SNX33: variants seen among roughly 807,000 people sequenced by gnomAD.
SNX33 encodes the protein sorting nexin 33.
In SNX33, 19 loss-of-function variants were observed where a neutral mutation model predicts 38.8. That is an observed-to-expected ratio of 0.49 (90% CI 0.34 to 0.72). The LOEUF is 0.72. Among genes scored for constraint, SNX33 ranks in the 30% least tolerant of loss-of-function variants. SNX33 has a pLI of 0.01. For synonymous variants in SNX33, 246 were observed against 289.7 expected (o/e 0.85, Z 1.53); for missense variants, 641 against 776.4 (o/e 0.83, Z 2.07).
At chr15:75,655,584 T>C (rs1439967662) in intron 1 of SNX33, among the ~76,000 whole-genome samples, 1 of 152,184 alleles carries the variant, frequency 6.6e-6, no homozygotes, top group Non-Finnish European at 1.5e-5. Context: ...TGTTGCCCCT[T>C]CTAAAGGCAT....
rs1893679611 is a variant in SNX33 at position 75,658,248 on chromosome 15, C to T, written c.*1033C>T. On this transcript the variant is annotated 3_prime_UTR_variant, in exon 2 of 2. Transcript: ENST00000308527. This position sits in a 1 kb window ranked among gnomAD's most constrained non-coding sequence, Gnocchi z 4.1. ...TAACTCCCCACACTCGAAGCAGGTC[C>T]AAACCCAGGATCTCAGGGTCCTTGG... The T allele has an allele frequency of 2.0e-5, 3 of 152,636 alleles. No individual in the cohort carries two copies. 9.5% of individuals were successfully genotyped at this position (152,636 alleles called of 1,614,324 possible).
At position 75,658,628 on chromosome 15, in the gene SNX33, G is replaced by T. The variant is rs1434232693; in HGVS notation, c.*1413G>T. On this transcript the variant is annotated 3_prime_UTR_variant, in exon 2 of 2. Coordinates refer to ENST00000308527, the MANE Select transcript of SNX33 (RefSeq NM_153271.2). This position sits in a 1 kb window ranked among gnomAD's most constrained non-coding sequence, Gnocchi z 4.1. ...TTCTTGATAAACCTTTTACAATTAA[G>T]ATAACACAAGCATGACTTTTTCTGT... 5 of 152,646 alleles carry T rather than the reference G, an allele frequency of 3.3e-5. No homozygotes were observed. Among genetic ancestry groups the T allele is most frequent in the African/African-American group, 1.2e-4 (5 of 41,442 alleles). 9.5% of individuals were successfully genotyped at this position (152,646 alleles called of 1,614,324 possible).
chr15:75,651,194 A>C (rs149698306), intron 1 of SNX33, among the ~76,000 whole-genome samples: 61 of 151,864 alleles, frequency 4.0e-4, no homozygotes, highest in African/African-American at 1.5e-3. Context: ...TTGCAAGTTA[A>C]CCTCCCCACC....
At position 75,649,004 on chromosome 15, in the gene SNX33, G is replaced by A. The variant is rs1260101539; in HGVS notation, c.-99G>A. On this transcript the variant is annotated 5_prime_UTR_variant, in exon 1 of 2. Coordinates refer to ENST00000308527, the MANE Select transcript of SNX33 (RefSeq NM_153271.2). This position sits in a 1 kb window ranked among gnomAD's most constrained non-coding sequence, Gnocchi z 6.6. The stretch of plus-strand genomic sequence containing the variant: ...ACCTGAGAGATTGAACTGTGTAAGC[G>A]CCATTCAGCTGCGAGTGCATTCTTG... 1.9e-5 allele frequency: 27 copies of A among 1,431,014 alleles called. No individual in the cohort carries two copies. The highest frequency in any genetic ancestry group is 2.1e-5 in the Non-Finnish European group (22 of 1,062,874). The allele number at this position is 1,431,014 out of a possible 1,614,324, so 88.6% of individuals were successfully genotyped here. A position where few individuals can be genotyped will look rare whatever the true frequency, so the allele number is the denominator to read the frequency against.
intron 1 of SNX33, among the ~76,000 whole-genome samples, chr15:75,656,635 C>T (rs1893654989): frequency 6.6e-6 from 1 of 152,132 alleles, no homozygotes; most frequent in Admixed American, 6.5e-5. Flanking sequence ...AGGCCTTGTT[C>T]TGGGTACCAG....
rs199967682 is a variant in SNX33 at position 75,652,002 on chromosome 15, TTC to T, written c.1471+1431_1471+1432del. The stretch of plus-strand genomic sequence containing the variant: ...CTATATCCTCTTCCTCTTCCTTTCT[TTC>T]TGTTTTTTTTTTTTTTTCTCTCATC... On this transcript the variant is annotated intron_variant, in intron 1 of 1. Coordinates refer to ENST00000308527, the MANE Select transcript of SNX33 (RefSeq NM_153271.2). 1.3e-3 allele frequency among the ~76,000 whole-genome samples: 172 copies of T among 136,964 alleles called. 1 individual carries two copies. The highest frequency in any genetic ancestry group is 5.2e-3 in the African/African-American group (171 of 32,686). 89.9% of individuals were successfully genotyped at this position (136,964 alleles called of 152,430 possible).
rs773908381 is a variant in SNX33, at chr15:75,649,466, G to A, written c.364G>A (p.Asp122Asn). The change falls in exon 1 of 2, where the codon GAC (aspartate) becomes AAC (asparagine). Residue 122 changes from aspartate (D) to asparagine (N), a missense_variant. Physicochemically the swap from Asp to Asn is conservative, Grantham distance 23. This residue lies in a region of SNX33 where 243 missense variants were observed against 233.9 expected (regional missense o/e 1.04). Transcript: ENST00000308527. This position sits in a 1 kb window ranked among gnomAD's most constrained non-coding sequence, Gnocchi z 6.6. Reference sequence around the variant, plus strand: ...TGATGATGACTGGGATGACTGGGACGACGGATGCACAGTGGTGGAGGAGCC... The same window carrying A: ...TGATGATGACTGGGATGACTGGGACAACGGATGCACAGTGGTGGAGGAGCC... Reference protein sequence around the residue: ...DDDDDWDDWDDGCTVVEEPRA... With the variant: ...DDDDDWDDWDNGCTVVEEPRA... 3.1e-5 allele frequency: 47 copies of A among 1,537,536 alleles called. 1 individual carries two copies. The South Asian group carries it at 5.9e-4, about 19-fold the overall frequency.
chr15:75,656,921 T>C (rs1207837241), intron 1 of SNX33, 41 bp from the exon 2 acceptor site: 2 of 1,593,414 alleles, frequency 1.3e-6, no homozygotes, highest in African/African-American at 2.7e-5. Context: ...CACATGGAGA[T>C]CAGAGCCCTC....
chr15:75,661,567 T>C lies in SNX33; in HGVS notation c.*4352T>C, dbSNP rs1893724672. On this transcript the variant is annotated 3_prime_UTR_variant, in exon 2 of 2. Coordinates refer to ENST00000308527, the MANE Select transcript of SNX33 (RefSeq NM_153271.2). The surrounding 1 kb of genome is among the most constrained non-coding windows in gnomAD (Gnocchi z 4.5). ...TTTTTCTTTTGGTTTGGTTTTGTTTTGTTGGTCAAACCCCAGTGCAGTGCA... is the reference window on the plus strand; with the variant it reads ...TTTTTCTTTTGGTTTGGTTTTGTTTCGTTGGTCAAACCCCAGTGCAGTGCA... The C allele has an allele frequency of 6.6e-6, 1 of 152,242 alleles. No individual in the cohort carries two copies. The allele number at this position is 152,242 out of a possible 1,614,324, so 9.4% of individuals were successfully genotyped here.
Position 75,661,102 on chromosome 15 carries a change from T to A in SNX33, c.*3887T>A, listed in dbSNP as rs1663497213. 1.3e-5 allele frequency: 2 copies of A among 152,176 alleles called. No homozygotes were observed. The highest frequency in any genetic ancestry group is 2.4e-5 in the African/African-American group (1 of 41,414). The allele number at this position is 152,176 out of a possible 1,614,324, so 9.4% of individuals were successfully genotyped here. ...GCCCTGCCCTCCCCTGGGCCAATCCTCTGGGCCAGGCTGCCTCTGAAGGCC... is the reference window on the plus strand; with the variant it reads ...GCCCTGCCCTCCCCTGGGCCAATCCACTGGGCCAGGCTGCCTCTGAAGGCC... On this transcript the variant is annotated 3_prime_UTR_variant, in exon 2 of 2. Coordinates refer to ENST00000308527, the MANE Select transcript of SNX33 (RefSeq NM_153271.2). This position sits in a 1 kb window ranked among gnomAD's most constrained non-coding sequence, Gnocchi z 4.5.
At chr15:75,654,988 C>G (rs909514296) in intron 1 of SNX33, among the ~76,000 whole-genome samples, 2 of 152,236 alleles carry the variant, frequency 1.3e-5, no homozygotes, top group Non-Finnish European at 2.9e-5. Flanking sequence ...TTCAGTATCT[C>G]CTCTTTAGCT....
rs373875066 is a variant in SNX33, at chr15:75,649,655, C to T, written c.553C>T (p.Arg185Cys). ...CAGTGTGGTGGGCCGTAACCTCAACCGTTTCTCATGCTTTGTGCGTTCTGG... is the reference window on the plus strand; with the variant it reads ...CAGTGTGGTGGGCCGTAACCTCAACTGTTTCTCATGCTTTGTGCGTTCTGG... ...RGSVVGRNLNRFSCFVRSGVE... is the reference protein window; with the variant it reads ...RGSVVGRNLNCFSCFVRSGVE... Residue 185 changes from arginine to cysteine, a missense_variant, in exon 1 of 2, where the codon CGT becomes TGT. Arg to Cys is a radical substitution (Grantham distance 180). This residue lies in a region of SNX33 where 398 missense variants were observed against 542.5 expected (regional missense o/e 0.73). Transcript: ENST00000308527. The surrounding 1 kb of genome is among the most constrained non-coding windows in gnomAD (Gnocchi z 6.6). 4.4e-6 allele frequency: 7 copies of T among 1,601,302 alleles called. No individual in the cohort carries two copies. Among genetic ancestry groups the T allele is most frequent in the Non-Finnish European group, 5.1e-6 (6 of 1,173,198 alleles).
rs1274529671 is a variant in SNX33, at chr15:75,660,654, C to T, written c.*3439C>T. The T allele has an allele frequency of 1.3e-5, 2 of 153,032 alleles. No homozygotes were observed. The highest frequency in any genetic ancestry group is 3.4e-3 in the Middle Eastern group (1 of 294). The allele number at this position is 153,032 out of a possible 1,614,324, so 9.5% of individuals were successfully genotyped here. Reference sequence around the variant, plus strand: ...CAGTGGCTACTTTGTCAGACACAGCCACACCACAGTCCTATGCACATGGTC... The same window carrying T: ...CAGTGGCTACTTTGTCAGACACAGCTACACCACAGTCCTATGCACATGGTC... On this transcript the variant is annotated 3_prime_UTR_variant, in exon 2 of 2. Coordinates refer to ENST00000308527, the MANE Select transcript of SNX33 (RefSeq NM_153271.2).
intron 1 of SNX33, among the ~76,000 whole-genome samples, chr15:75,653,365 A>C (rs1265672604): frequency 6.6e-6 from 1 of 152,158 alleles, no homozygotes; most frequent in Non-Finnish European, 1.5e-5. Context: ...CCGGGACAAC[A>C]GGGGAAAGTA....
In SNX33 at chr15:75,648,658, C is replaced by T. The variant is rs1455959760; in HGVS notation, c.-445C>T. 4 of 490,490 alleles carry T rather than the reference C, an allele frequency of 8.2e-6. No homozygotes were observed. The highest frequency in any genetic ancestry group is 7.9e-6 in the Non-Finnish European group (3 of 379,096). The allele number at this position is 490,490 out of a possible 1,614,324, so 30.4% of individuals were successfully genotyped here. A position where few individuals can be genotyped will look rare whatever the true frequency, so the allele number is the denominator to read the frequency against. ...TGGGAGCCAGAGGGACAGCCGAGCC[C>T]TGCCCGGGTTTCTGGAATGGTGGTT... On this transcript the variant is annotated 5_prime_UTR_variant, in exon 1 of 2. Coordinates refer to ENST00000308527, the MANE Select transcript of SNX33 (RefSeq NM_153271.2). This position sits in a 1 kb window ranked among gnomAD's most constrained non-coding sequence, Gnocchi z 4.4.
At chr15:75,654,057 C>A (rs1187890485) in intron 1 of SNX33, among the ~76,000 whole-genome samples, 1 of 149,140 alleles carries the variant, frequency 6.7e-6, no homozygotes, top group Non-Finnish European at 1.5e-5. Context: ...CAAGCCACTG[C>A]ACTCCAGCTT....
chr15:75,652,784 G>A (rs1893601199), intron 1 of SNX33, among the ~76,000 whole-genome samples: 1 of 152,200 alleles, frequency 6.6e-6, no homozygotes, highest in Non-Finnish European at 1.5e-5. Flanking sequence ...CTGTGGTGTG[G>A]GGCAAGTTAG....
intron 1 of SNX33, among the ~76,000 whole-genome samples, chr15:75,653,889 C>T (rs886158474): frequency 6.6e-6 from 1 of 151,988 alleles, no homozygotes; most frequent in African/African-American, 2.4e-5. Context: ...CACAGGAGTT[C>T]GACACCAGCC....
At position 75,659,733 on chromosome 15, in the gene SNX33, A is replaced by G. The variant is rs1219196576; in HGVS notation, c.*2518A>G. ...TGTGTGCCTTCCTTGAGAGGGGACC[A>G]CCTCCCAGGCCTTCCATCCTCAGGG... On this transcript the variant is annotated 3_prime_UTR_variant, in exon 2 of 2. Coordinates refer to ENST00000308527, the MANE Select transcript of SNX33 (RefSeq NM_153271.2). 2 of 151,960 alleles carry G rather than the reference A, an allele frequency of 1.3e-5. No homozygotes were observed. Among genetic ancestry groups the G allele is most frequent in the Non-Finnish European group, 2.9e-5 (2 of 68,066 alleles). 9.4% of individuals were successfully genotyped at this position (151,960 alleles called of 1,614,324 possible).
Sources: gnomAD v4.1 joint callset for allele counts (sites outside exome capture counted in the v4.1 genomes callset) on GRCh38, gnomAD v4.1.1 for gene constraint, gnomAD v4.1.1 regional missense constraint, Gnocchi (gnomAD v3.1) non-coding constraint, MANE v1.5 for transcripts, NCBI Gene and HGNC (gene_info 2026-07-23, HGNC 2026-07-21) for gene names.